RBM48: variants seen among roughly 807,000 people sequenced by gnomAD.
RBM48 encodes the protein RNA binding motif protein 48.
In RBM48, 32 loss-of-function variants were observed where a neutral mutation model predicts 34.8. The ratio of observed to expected loss-of-function variants is 0.92; its 90% CI spans 0.69 to 1.23. The LOEUF is 1.23. RBM48 is among the 50% of genes most tolerant of loss of function. The pLI, the probability that RBM48 is intolerant of heterozygous loss-of-function variation, is 0.00. For missense variants in RBM48, 441 were observed against 447.2 expected (o/e 0.99, Z 0.12); for synonymous variants, 151 against 156.2 (o/e 0.97, Z 0.25).
chr7:92,532,638 A>C (rs1400923095), intron 3 of RBM48, 89 bp downstream of exon 3: 2 of 900,284 alleles, frequency 2.2e-6, no homozygotes, highest in African/African-American at 3.4e-5. Flanking sequence ...GTGGTAGGAG[A>C]GGCAAGTAAA....
Position 92,534,628 on chromosome 7 carries a change from T to C in RBM48, c.675T>C (p.Ser225=). ...GGPVDRAPDS[S]KDGRNHHKTM... ...CTGTAGACAGAGCACCAGACTCCTC[T>C]AAGGATGGTAGAAACCATCATAAAA... The change falls in exon 4 of 5, where the codon TCT becomes TCC. Residue 225 remains serine, a synonymous_variant. Coordinates refer to ENST00000265732, the MANE Select transcript of RBM48 (RefSeq NM_032120.4). 6.2e-7 allele frequency: 1 copy of C among 1,614,216 alleles called. No homozygotes were observed. The highest frequency in any genetic ancestry group is 8.5e-7 in the Non-Finnish European group (1 of 1,180,038).
In RBM48 at chr7:92,532,442, G is replaced by A; in HGVS notation, c.341G>A (p.Gly114Asp). 1 of 1,611,770 alleles carries A rather than the reference G, an allele frequency of 6.2e-7. No individual in the cohort carries two copies. Among genetic ancestry groups the A allele is most frequent in the Non-Finnish European group, 8.5e-7 (1 of 1,178,532 alleles). Residue 114 changes from glycine (G) to aspartate (D), a missense_variant, in exon 3 of 5, where the codon GGT (glycine) becomes GAT (aspartate). By Grantham distance (94) the Gly-to-Asp change is moderately conservative (BLOSUM62 -1). Transcript: ENST00000265732. ...KRKMDEQSFFGGLLHVCYAPE... is the reference protein window; with the variant it reads ...KRKMDEQSFFDGLLHVCYAPE... ...AAAATGGATGAACAGAGTTTCTTCGGTGGATTGCTTCATGTGTGCTATGCT... is the reference window on the plus strand; with the variant it reads ...AAAATGGATGAACAGAGTTTCTTCGATGGATTGCTTCATGTGTGCTATGCT...
intron 1 of RBM48, chr7:92,529,241 A>G (rs1198192660): frequency 3.5e-6 from 2 of 573,216 alleles, no homozygotes; most frequent in Admixed American, 6.7e-5. Context: ...TACCGACTCA[A>G]TTTCTGGAAA....
chr7:92,534,391 G>A lies in RBM48; in HGVS notation c.449-11G>A, dbSNP rs1793650110. The A allele has an allele frequency of 6.3e-7, 1 of 1,599,232 alleles. No individual in the cohort carries two copies. On this transcript the variant is annotated splice_polypyrimidine_tract_variant and intron_variant, in intron 3 of 4. Transcript: ENST00000265732. ...TTCCCTTTCCCTCAACTTTTAAATT[G>A]TAATATAAAGACCATTACGTGACAA...
intron 3 of RBM48, among the ~76,000 whole-genome samples, chr7:92,532,791 G>T (rs139751565): frequency 8.5e-5 from 13 of 152,310 alleles, no homozygotes; most frequent in South Asian, 2.1e-4. Flanking sequence ...ATAAGTAGAC[G>T]TTAACTAAAT....
rs543160764 is a variant in RBM48 at position 92,540,327 on chromosome 7, T to G, written c.*3390T>G. The G allele has an allele frequency of 6.6e-6, 1 of 152,388 alleles. No homozygotes were observed. The highest frequency in any genetic ancestry group is 2.4e-5 in the African/African-American group (1 of 41,602). 9.4% of individuals were successfully genotyped at this position (152,388 alleles called of 1,614,324 possible). ...AACAGAAGTCTGTCTTCTCTTACTGTTTTTCAAAGTCTGCAAGCGATAGCT... is the reference window on the plus strand; with the variant it reads ...AACAGAAGTCTGTCTTCTCTTACTGGTTTTCAAAGTCTGCAAGCGATAGCT... On this transcript the variant is annotated 3_prime_UTR_variant, in exon 5 of 5. Coordinates refer to ENST00000265732, the MANE Select transcript of RBM48 (RefSeq NM_032120.4).
chr7:92,529,755 C>T, intron 2 of RBM48, 89 bp downstream of exon 2: 1 of 751,308 alleles, frequency 1.3e-6, no homozygotes, highest in South Asian at 1.9e-5. Flanking sequence ...TCATTCATAA[C>T]TGAATTACCC....
rs1793599128 is a variant in RBM48 at position 92,532,465 on chromosome 7, G to T, written c.364G>T (p.Ala122Ser). The part of the protein sequence containing the change: ...FFGGLLHVCY[A>S]PEFETVEETR... ...CGGTGGATTGCTTCATGTGTGCTAT[G>T]CTCCAGAATTTGAAACAGTTGAAGA... is the stretch of plus-strand genomic sequence containing the variant. The change falls in exon 3 of 5, where the codon GCT (alanine) becomes TCT (serine). Residue 122 changes from alanine to serine, a missense_variant. Physicochemically the swap from Ala to Ser is moderately conservative, Grantham distance 99. Coordinates refer to ENST00000265732, the MANE Select transcript of RBM48 (RefSeq NM_032120.4). The T allele has an allele frequency of 6.2e-7, 1 of 1,612,356 alleles. No individual in the cohort carries two copies. The highest frequency in any genetic ancestry group is 1.7e-5 in the Admixed American group (1 of 59,970).
At position 92,536,875 on chromosome 7, in the gene RBM48, C is replaced by T. The variant is rs754288043; in HGVS notation, c.1042C>T (p.Pro348Ser). The T allele has an allele frequency of 2.5e-6, 4 of 1,605,446 alleles. No individual in the cohort carries two copies. Among genetic ancestry groups the T allele is most frequent in the African/African-American group, 2.7e-5 (2 of 74,320 alleles). ...KEVISSVPKP[P>S]EDKPEDVHTS... ...GGTAATTTCATCTGTGCCAAAGCCT[C>T]CAGAGGACAAGCCAGAAGATGTACA... The change falls in exon 5 of 5, where the codon CCA becomes TCA. Residue 348 changes from proline to serine, a missense_variant. By Grantham distance (74) the Pro-to-Ser change is moderately conservative. Coordinates refer to ENST00000265732, the MANE Select transcript of RBM48 (RefSeq NM_032120.4).
rs138234101 is a variant in RBM48, at chr7:92,533,765, A to G, written c.449-637A>G. ...CTCCCATGTATTAATATTAACATTAACAATCATCAACACATAGCCAATTTC... is the reference window on the plus strand; with the variant it reads ...CTCCCATGTATTAATATTAACATTAGCAATCATCAACACATAGCCAATTTC... On this transcript the variant is annotated intron_variant, in intron 3 of 4. Transcript: ENST00000265732. Among the ~76,000 whole-genome samples the G allele has an allele frequency of 2.8e-4, 42 of 152,316 alleles. No individual in the cohort carries two copies. The East Asian group carries it at 8.1e-3, about 29-fold the overall frequency.
At chr7:92,529,413 T>TA in intron 1 of RBM48, 63 bp from the exon 2 acceptor site, 1 of 959,310 alleles carries the variant, frequency 1.0e-6, no homozygotes, top group Non-Finnish European at 1.6e-6. Flanking sequence ...TAAAAAAAAA[T>TA]AGAGGCAGAT....
Position 92,529,547 on chromosome 7 carries a change from A to C in RBM48, c.183A>C (p.Glu61Asp). Residue 61 changes from glutamate (E) to aspartate (D), a missense_variant, in exon 2 of 5, where the codon GAA (glutamate) becomes GAC (aspartate). Physicochemically the swap from Glu to Asp is conservative, Grantham distance 45. Coordinates refer to ENST00000265732, the MANE Select transcript of RBM48 (RefSeq NM_032120.4). The part of the protein sequence containing the change: ...QGVPAVGVMK[E>D]LVERFALYGA... Reference sequence around the variant, plus strand: ...TTCCTGCTGTGGGAGTCATGAAGGAATTAGTTGAGCGATTCGCTTTATATG... The same window carrying C: ...TTCCTGCTGTGGGAGTCATGAAGGACTTAGTTGAGCGATTCGCTTTATATG... The C allele has an allele frequency of 6.2e-7, 1 of 1,611,010 alleles. No individual in the cohort carries two copies. Among genetic ancestry groups the C allele is most frequent in the Non-Finnish European group, 8.5e-7 (1 of 1,177,292 alleles).
At chr7:92,530,580 T>A (rs555828077) in intron 2 of RBM48, among the ~76,000 whole-genome samples, 16 of 151,848 alleles carry the variant, frequency 1.1e-4, no homozygotes, top group Non-Finnish European at 1.8e-4. Flanking sequence ...GGTAGGTGGA[T>A]CACCTGAGGT....
At chr7:92,529,293 C>T in intron 1 of RBM48, 183 bp from the exon 2 acceptor site, 3 of 580,992 alleles carry the variant, frequency 5.2e-6, no homozygotes, top group Non-Finnish European at 6.1e-6. Context: ...CCTTAGGTAG[C>T]CTCTCACATG....
At chr7:92,535,027 G>T in intron 4 of RBM48, 57 bp downstream of exon 4, 1 of 1,590,022 alleles carries the variant, frequency 6.3e-7, no homozygotes, top group Non-Finnish European at 8.6e-7. Context: ...GGATTAAATG[G>T]AGAATTATTT....
chr7:92,535,598 C>CT (rs1021257643), intron 4 of RBM48: 2 of 985,380 alleles, frequency 2.0e-6, no homozygotes, highest in Non-Finnish European at 2.4e-6. Flanking sequence ...TGAAAGACAC[C>CT]TTTTTGTGGG....
rs995854913 is a variant in RBM48 at position 92,537,521 on chromosome 7, C to G, written c.*584C>G. The G allele has an allele frequency of 1.3e-5, 2 of 152,102 alleles. No individual in the cohort carries two copies. Among genetic ancestry groups the G allele is most frequent in the African/African-American group, 4.8e-5 (2 of 41,398 alleles). 9.4% of individuals were successfully genotyped at this position (152,102 alleles called of 1,614,324 possible). ...AAGATAGGCAGCCAGCGTCTGTTTCCAATTATAATACAAGTATTGAATGAA... is the reference window on the plus strand; with the variant it reads ...AAGATAGGCAGCCAGCGTCTGTTTCGAATTATAATACAAGTATTGAATGAA... On this transcript the variant is annotated 3_prime_UTR_variant, in exon 5 of 5. Transcript: ENST00000265732.
In RBM48 at chr7:92,540,062, A is replaced by G. The variant is rs1019477576; in HGVS notation, c.*3125A>G. ...CTATTGCTAAAGAGGTTAAAAGCTC[A>G]ATGGAAGTCTTGAATATAGTTACTG... is the stretch of plus-strand genomic sequence containing the variant. On this transcript the variant is annotated 3_prime_UTR_variant, in exon 5 of 5. Coordinates refer to ENST00000265732, the MANE Select transcript of RBM48 (RefSeq NM_032120.4). 1.4e-4 allele frequency among the ~76,000 whole-genome samples: 21 copies of G among 152,234 alleles called. No homozygotes were observed. Among genetic ancestry groups the G allele is most frequent in the Admixed American group, 6.5e-5 (1 of 15,286 alleles).
Position 92,534,581 on chromosome 7 carries a change from T to C in RBM48, c.628T>C (p.Cys210Arg), listed in dbSNP as rs1451484522. 2.5e-6 allele frequency: 4 copies of C among 1,614,068 alleles called. No individual in the cohort carries two copies. The highest frequency in any genetic ancestry group is 2.7e-5 in the African/African-American group (2 of 74,934). ...ELPLCYFSSK[C>R]MCSSGGPVDR... ...GCCTTTATGTTATTTCTCCTCAAAATGTATGTGTTCATCCGGGGGACCTGT... is the reference window on the plus strand; with the variant it reads ...GCCTTTATGTTATTTCTCCTCAAAACGTATGTGTTCATCCGGGGGACCTGT... The change falls in exon 4 of 5, where the codon TGT (cysteine) becomes CGT (arginine). Residue 210 changes from cysteine (C) to arginine (R), a missense_variant. Transcript: ENST00000265732.
Sources: gnomAD v4.1 joint callset for allele counts (sites outside exome capture counted in the v4.1 genomes callset) on GRCh38, gnomAD v4.1.1 for gene constraint, MANE v1.5 for transcripts, NCBI Gene and HGNC (gene_info 2026-07-23, HGNC 2026-07-21) for gene names.